Variants in AVEN observed in about 807,000 individuals in gnomAD.
AVEN encodes the protein apoptosis and caspase activation inhibitor.
Under a neutral mutation model 38.1 loss-of-function variants are expected in AVEN, and 41 were observed. The ratio of observed to expected loss-of-function variants is 1.08; its 90% CI spans 0.84 to 1.40. The LOEUF (loss-of-function observed/expected upper bound fraction) is 1.40, where lower values mean the gene tolerates loss of function less well. Ranked by LOEUF, AVEN falls within the 40% of genes most tolerant of loss-of-function variation. The pLI is 0.00. For missense variants in AVEN, 605 were observed against 438.8 expected, an observed-to-expected ratio of 1.38 and a Z score of -3.38; for synonymous variants, 206 against 171.8, an observed-to-expected ratio of 1.20 and a Z score of -1.56.
At chr15:33,854,191 G>A (rs1256922391), downstream of AVEN, among the ~76,000 whole-genome samples, 6 of 32,622 alleles carry the variant, frequency 1.8e-4, no homozygotes, top group East Asian at 1.4e-3. Context: ...GTGAGACTCC[G>A]TTTCAAAAAA....
At position 33,867,430 on chromosome 15, in the gene AVEN, G is replaced by A. The variant is rs185248315; in HGVS notation, c.973+65C>T. ...AGAGGGATGTGTGCGGATGTGATGC[G>A]GGCGGGGCTGTTCTTGAAAAAACAC... is the stretch of plus-strand genomic sequence containing the variant. On this transcript the variant is annotated intron_variant, in intron 5 of 5. Transcript: ENST00000306730. 1.1e-3 allele frequency: 1,658 copies of A among 1,525,196 alleles called. 3 individuals are homozygous for A. Among genetic ancestry groups the A allele is most frequent in the Admixed American group, 2.6e-3 (123 of 46,556 alleles). The allele number at this position is 1,525,196 out of a possible 1,614,324, so 94.5% of individuals were successfully genotyped here.
At chr15:33,860,376 A>G (rs1437643643) in intron 11 of AVEN, among the ~76,000 whole-genome samples, 2 of 152,226 alleles carry the variant, frequency 1.3e-5, no homozygotes, top group African/African-American at 2.4e-5. Flanking sequence ...AGGAGCAAGT[A>G]GTTAACAGCA....
At chr15:33,856,555 G>C (rs966506993), downstream of AVEN, 8 of 152,372 alleles carry the variant, frequency 5.3e-5, no homozygotes, top group African/African-American at 1.7e-4. Flanking sequence ...ATAATTCTTA[G>C]AGTAACTTCA....
Position 33,867,495 on chromosome 15 carries a change from C to A in AVEN, c.973G>T (p.Val325Phe), listed in dbSNP as rs903021846. ...EDGEVVQEEEVCAKPSVTEEK... is the reference protein window; with the variant it reads ...EDGEVVQEEEFCAKPSVTEEK... ...ACGGGGAATAAAATGAAAGCCATAC[C>A]TTCTTCCTCTTGGACCACCTCCCCA... Residue 325 changes from valine to phenylalanine, a missense_variant and splice_region_variant, in exon 5 of 6, where the codon GTT becomes TTT. Val to Phe is a conservative substitution (Grantham distance 50). Coordinates refer to ENST00000306730, the MANE Select transcript of AVEN (RefSeq NM_020371.3). 6.4e-7 allele frequency: 1 copy of A among 1,564,042 alleles called. No individual in the cohort carries two copies. The highest frequency in any genetic ancestry group is 1.4e-5 in the African/African-American group (1 of 73,046).
chr15:33,938,401 G>A lies in AVEN; in HGVS notation c.446-62406C>T, dbSNP rs543031326. On this transcript the variant is annotated intron_variant, in intron 2 of 5. Coordinates refer to ENST00000306730, the MANE Select transcript of AVEN (RefSeq NM_020371.3). Reference sequence around the variant, plus strand: ...ACCCAGGAGGCGGAGCTTGCAGTGAGCCGAGATCGCGCCACTGCACTCCAG... The same window carrying A: ...ACCCAGGAGGCGGAGCTTGCAGTGAACCGAGATCGCGCCACTGCACTCCAG... 3.9e-5 allele frequency among the ~76,000 whole-genome samples: 6 copies of A among 152,232 alleles called. No homozygotes were observed. In the East Asian group the frequency reaches 9.7e-4, roughly 24 times the overall value.
chr15:33,958,083 G>T (rs894418215), intron 2 of AVEN, among the ~76,000 whole-genome samples: 1 of 152,184 alleles, frequency 6.6e-6, no homozygotes, highest in African/African-American at 2.4e-5. Context: ...CTTGTTTGTA[G>T]AAGTGGTTAC....
chr15:33,914,942 G>A (rs2153046216), intron 2 of AVEN, among the ~76,000 whole-genome samples: 1 of 152,164 alleles, frequency 6.6e-6, no homozygotes, highest in East Asian at 1.9e-4. Flanking sequence ...TGCACTAAAA[G>A]GAACCAGGAT....
chr15:34,014,137 C>T (rs952169832), intron 1 of AVEN, among the ~76,000 whole-genome samples: 8 of 151,998 alleles, frequency 5.3e-5, no homozygotes, highest in East Asian at 1.9e-4. Flanking sequence ...CCAACATGGG[C>T]GGATCACCTG....
At chr15:34,054,633 GA>G (rs1401515005) in intron 5 of AVEN, among the ~76,000 whole-genome samples, 1 of 152,132 alleles carries the variant, frequency 6.6e-6, no homozygotes, top group Admixed American at 6.5e-5. Flanking sequence ...GCTGAATGAT[GA>G]GAGAACACAA....
intron 5 of AVEN, chr15:34,062,690 C>T: frequency 6.3e-7 from 1 of 1,583,622 alleles, no homozygotes; most frequent in Non-Finnish European, 8.6e-7. Context: ...GAACCTAACA[C>T]TATTTACTGT....
chr15:34,038,989 G>C lies in AVEN; in HGVS notation c.58C>G (p.Pro20Ala), dbSNP rs1899324291. 9.0e-7 allele frequency: 1 copy of C among 1,115,944 alleles called. No individual in the cohort carries two copies. The highest frequency in any genetic ancestry group is 4.8e-5 in the Admixed American group (1 of 20,674). 69.1% of individuals were successfully genotyped at this position (1,115,944 alleles called of 1,614,324 possible). The change falls in exon 1 of 6, where the codon CCT (proline) becomes GCT (alanine). Residue 20 changes from proline to alanine, a missense_variant. By Grantham distance (27) the Pro-to-Ala change is conservative. Coordinates refer to ENST00000306730, the MANE Select transcript of AVEN (RefSeq NM_020371.3). ...CGCTCGCTGTGGCGATCTCCGCCAGGCCGGCCGCGGCCTGGCCGCCGCCCA... is the reference window on the plus strand; with the variant it reads ...CGCTCGCTGTGGCGATCTCCGCCAGCCCGGCCGCGGCCTGGCCGCCGCCCA... ...GRGRRPGRGR[P>A]GGDRHSERPG...
downstream of AVEN, chr15:33,858,157 C>G (rs1334955785): frequency 2.0e-6 from 1 of 496,894 alleles, no homozygotes; most frequent in African/African-American, 1.9e-5. Flanking sequence ...AGGGAAGCAC[C>G]CTGCACAGTG....
intron 2 of AVEN, among the ~76,000 whole-genome samples, chr15:33,986,781 C>T (rs12913387): frequency 0.23 from 34,657 of 151,562 alleles, 4,471 homozygotes; most frequent in Middle Eastern, 0.41. Flanking sequence ...GTCAGCCGCC[C>T]GAGTAGCTGG....
intron 5 of AVEN, among the ~76,000 whole-genome samples, chr15:34,049,108 A>C (rs1277986097): frequency 1.3e-5 from 2 of 152,224 alleles, no homozygotes; most frequent in African/African-American, 4.8e-5. Flanking sequence ...CAGATTCAAC[A>C]CAAAAATGCT....
chr15:33,989,215 A>G (rs1437090718), intron 2 of AVEN, among the ~76,000 whole-genome samples: 2 of 152,156 alleles, frequency 1.3e-5, no homozygotes, highest in African/African-American at 4.8e-5. Flanking sequence ...AATTACATAT[A>G]TATGTTAGTA....
chr15:33,872,159 G>C (rs915364851), intron 3 of AVEN, among the ~76,000 whole-genome samples: 6 of 152,220 alleles, frequency 3.9e-5, no homozygotes, highest in Middle Eastern at 3.4e-3. Context: ...CCAGTGCTGG[G>C]GAGAGGGGAG....
intron 1 of AVEN, among the ~76,000 whole-genome samples, chr15:34,004,849 G>C (rs1897275379): frequency 6.6e-6 from 1 of 151,968 alleles, no homozygotes; most frequent in African/African-American, 2.4e-5. Flanking sequence ...AAACAGAGAT[G>C]CATGTAGAAT....
At chr15:33,871,166 GT>G in intron 3 of AVEN, 136 bp from the exon 4 acceptor site, 1 of 476,676 alleles carries the variant, frequency 2.1e-6, no homozygotes. Context: ...ACACTTATGT[GT>G]TAGAGTTTCT....
At chr15:33,968,721 A>G (rs763598790) in intron 2 of AVEN, 2 of 152,152 alleles carry the variant, frequency 1.3e-5, no homozygotes, top group Non-Finnish European at 1.5e-5. Context: ...CTTCTAGTCC[A>G]GATAATGTTT....
Sources: gnomAD v4.1 joint callset for allele counts (sites outside exome capture counted in the v4.1 genomes callset) on GRCh38, gnomAD v4.1.1 for gene constraint, MANE v1.5 for transcripts, NCBI Gene and HGNC (gene_info 2026-07-23, HGNC 2026-07-21) for gene names.